BICDL1: variants seen among roughly 807,000 people sequenced by gnomAD.
The protein encoded by BICDL1 is BICD family like cargo adaptor 1.
In BICDL1, 20 loss-of-function variants were observed where a neutral mutation model predicts 76.8. That is an observed-to-expected ratio of 0.26 (90% CI 0.18 to 0.38). The LOEUF (loss-of-function observed/expected upper bound fraction) is 0.38, where lower values mean the gene tolerates loss of function less well. BICDL1 is among the 10% of genes least tolerant of loss of function. The pLI, the probability that BICDL1 is intolerant of heterozygous loss-of-function variation, is 1.00. For synonymous variants in BICDL1, 383 were observed against 337.1 expected (o/e 1.14, Z -1.49); for missense variants, 700 against 798.6 (o/e 0.88, Z 1.49).
intron 9 of BICDL1, chr12:120,091,604 G>A (rs1874976862): frequency 2.0e-6 from 2 of 984,608 alleles, no homozygotes; most frequent in Middle Eastern, 5.2e-4. Flanking sequence ...AAGAAGACAA[G>A]GGCAAGGAGA....
At chr12:120,010,105 T>C (rs1566212814) in intron 2 of BICDL1, among the ~76,000 whole-genome samples, 1 of 152,238 alleles carries the variant, frequency 6.6e-6, no homozygotes, top group Non-Finnish European at 1.5e-5. Context: ...CACCAGTGCC[T>C]CAGCCTGTGC....
intron 2 of BICDL1, among the ~76,000 whole-genome samples, chr12:120,004,085 G>T (rs748678125): frequency 4.6e-5 from 7 of 152,206 alleles, no homozygotes; most frequent in African/African-American, 1.7e-4. Context: ...AGAGCCTCAC[G>T]TAGGATATAT....
Position 120,091,607 on chromosome 12 carries a change from C to T in BICDL1, c.1705-1393C>T, listed in dbSNP as rs554807822. On this transcript the variant is annotated intron_variant, in intron 9 of 9. Transcript: ENST00000548673. ...GGAAGAGAAGGGAAGAAGACAAGGG[C>T]AAGGAGAAGACCAGGAATGAGCTGA... is the stretch of plus-strand genomic sequence containing the variant. The T allele has an allele frequency of 7.5e-4, 739 of 984,386 alleles. 1 individual carries two copies. The highest frequency in any genetic ancestry group is 8.4e-4 in the Non-Finnish European group (701 of 829,850). The allele number at this position is 984,386 out of a possible 1,614,324, so 61.0% of individuals were successfully genotyped here.
chr12:120,080,435 G>GACTC (rs1297221260), intron 7 of BICDL1, among the ~76,000 whole-genome samples: 1 of 152,238 alleles, frequency 6.6e-6, no homozygotes, highest in African/African-American at 2.4e-5. Flanking sequence ...GGGGAGCAGG[G>GACTC]ACTCCAGCTT....
intron 2 of BICDL1, among the ~76,000 whole-genome samples, chr12:120,059,162 C>T (rs1418997799): frequency 6.6e-6 from 1 of 151,836 alleles, no homozygotes; most frequent in Non-Finnish European, 1.5e-5. Flanking sequence ...GTGGCATGAT[C>T]TTGGCTCACT....
rs568737529 is a variant in BICDL1, at chr12:120,093,819, T to G, written c.*658T>G. On this transcript the variant is annotated 3_prime_UTR_variant, in exon 10 of 10. Coordinates refer to ENST00000548673, the MANE Select transcript of BICDL1 (RefSeq NM_001367886.1). ...GAAGGCCCTGTCCCCCTGTCGCCAC[T>G]GCTCTCCCTCCCAGCCTTCAGTCTC... is the stretch of plus-strand genomic sequence containing the variant. The G allele has an allele frequency of 8.4e-4, 157 of 187,646 alleles. 2 individuals are homozygous for G. The South Asian group carries it at 0.014, about 17-fold the overall frequency. The allele number at this position is 187,646 out of a possible 1,614,324, so 11.6% of individuals were successfully genotyped here. A position where few individuals can be genotyped will look rare whatever the true frequency, so the allele number is the denominator to read the frequency against.
intron 2 of BICDL1, among the ~76,000 whole-genome samples, chr12:120,058,582 AT>A (rs943517909): frequency 6.8e-6 from 1 of 147,212 alleles, no homozygotes; most frequent in African/African-American, 2.5e-5. Context: ...TTCTGTTAAA[AT>A]TTTTTTCTTT....
At chr12:120,006,021 TCTC>T (rs1951844224) in intron 2 of BICDL1, among the ~76,000 whole-genome samples, 1 of 152,232 alleles carries the variant, frequency 6.6e-6, no homozygotes, top group Non-Finnish European at 1.5e-5. Flanking sequence ...TAGTCTATAC[TCTC>T]CTCATATCTA....
chr12:120,059,323 G>A (rs1373307172), intron 2 of BICDL1, among the ~76,000 whole-genome samples: 1 of 152,038 alleles, frequency 6.6e-6, no homozygotes, highest in Non-Finnish European at 1.5e-5. Context: ...GGGCTGGAGT[G>A]CAGTGGCTCA....
intron 2 of BICDL1, among the ~76,000 whole-genome samples, chr12:120,051,749 T>C (rs983443849): frequency 6.6e-6 from 1 of 152,224 alleles, no homozygotes; most frequent in African/African-American, 2.4e-5. Flanking sequence ...AGTGCAGTTA[T>C]CAAAACCAGA....
At chr12:120,015,193 A>C (rs1952035392) in intron 2 of BICDL1, among the ~76,000 whole-genome samples, 1 of 152,194 alleles carries the variant, frequency 6.6e-6, no homozygotes. Context: ...CAATAACCTG[A>C]AACATCTCCT....
chr12:120,046,492 C>T (rs1952752682), intron 2 of BICDL1, among the ~76,000 whole-genome samples: 1 of 152,216 alleles, frequency 6.6e-6, no homozygotes, highest in African/African-American at 2.4e-5. Flanking sequence ...TTATTTCAGT[C>T]ATACAACCTT....
At chr12:120,021,586 CAAAAAAAAAAAA>C (rs145151630) in intron 2 of BICDL1, among the ~76,000 whole-genome samples, 561 of 46,334 alleles carry the variant, frequency 0.012, 11 homozygotes, top group African/African-American at 0.034. Flanking sequence ...GACTCCATCT[CAAAAAAAAAAAA>C]AAAAAAAAAA....
chr12:120,023,913 TAGA>T (rs1260408127), intron 2 of BICDL1, among the ~76,000 whole-genome samples: 1 of 152,114 alleles, frequency 6.6e-6, no homozygotes, highest in African/African-American at 2.4e-5. Flanking sequence ...AGACTTAGCA[TAGA>T]AGAACAGGAG....
At position 120,093,103 on chromosome 12, in the gene BICDL1, GGGAT is replaced by G; in HGVS notation, c.1810_1813del (p.Asp604SerfsTer56). On this transcript the variant is annotated frameshift_variant, in exon 10 of 10. Transcript: ENST00000548673. LOFTEE classifies it high-confidence loss of function. ...TGCAGGGGCCACAGCGCTGGGCGGG[GGGAT>G]GAGCCCAGCATCGCTGAAGGCAAAC... 1 of 1,613,564 alleles carries G rather than the reference GGGAT, an allele frequency of 6.2e-7. No individual in the cohort carries two copies. The highest frequency in any genetic ancestry group is 1.1e-5 in the South Asian group (1 of 91,042).
rs138483415 is a variant in BICDL1, at chr12:120,043,987, C to T, written c.646-17723C>T. Among the ~76,000 whole-genome samples, 29 of 152,174 alleles carry T rather than the reference C, an allele frequency of 1.9e-4. No homozygotes were observed. The East Asian group carries it at 4.2e-3, about 22-fold the overall frequency. ...CTGCAAATAATGTAGTCATTTTAAC[C>T]GGGGATCTTATAATGGCAATATGGA... On this transcript the variant is annotated intron_variant, in intron 2 of 9. Coordinates refer to ENST00000548673, the MANE Select transcript of BICDL1 (RefSeq NM_001367886.1).
At chr12:120,002,562 G>A (rs185904401) in intron 2 of BICDL1, among the ~76,000 whole-genome samples, 1 of 152,276 alleles carries the variant, frequency 6.6e-6, no homozygotes, top group Non-Finnish European at 1.5e-5. Flanking sequence ...CTTTGAAAAA[G>A]TCCCAATCCA....
chr12:120,054,736 C>T (rs911024498), intron 2 of BICDL1, among the ~76,000 whole-genome samples: 7 of 151,940 alleles, frequency 4.6e-5, no homozygotes, highest in East Asian at 1.9e-4. Flanking sequence ...AAAAATTAGC[C>T]GGGCATGGTG....
At chr12:120,051,217 T>G (rs1467842463) in intron 2 of BICDL1, among the ~76,000 whole-genome samples, 2 of 151,998 alleles carry the variant, frequency 1.3e-5, no homozygotes, top group Non-Finnish European at 2.9e-5. Context: ...CTGGCTAATT[T>G]TTGTATTTTT....
Sources: allele counts gnomAD v4.1 joint callset (sites outside exome capture counted in the v4.1 genomes callset), GRCh38; gene constraint gnomAD v4.1.1; transcripts MANE v1.5; gene names NCBI Gene and HGNC (gene_info 2026-07-23, HGNC 2026-07-21).